STXBP3: variants seen among roughly 807,000 people sequenced by gnomAD.
The protein encoded by STXBP3 is syntaxin binding protein 3, also known as syntaxin-binding protein 3.
Under a neutral mutation model 85.7 loss-of-function variants are expected in STXBP3, and 41 were observed. The observed-to-expected ratio is 0.48, with a 90% CI of 0.37 to 0.62. The LOEUF is 0.62. Among genes scored for constraint, STXBP3 ranks in the 20% least tolerant of loss-of-function variants. STXBP3 has a pLI of 0.00. For missense variants in STXBP3, 563 were observed against 703.1 expected, an observed-to-expected ratio of 0.80 and a Z score of 2.25; for synonymous variants, 229 against 231.7, an observed-to-expected ratio of 0.99 and a Z score of 0.10.
chr1:108,808,742 T>A, intron 18 of STXBP3, 41 bp from the exon 19 acceptor site: 1 of 1,485,896 alleles, frequency 6.7e-7, no homozygotes, highest in Non-Finnish European at 9.4e-7. Context: ...GAAAATTGAT[T>A]TAACTGCTGG....
At chr1:108,784,857 G>C (rs1662792120) in intron 11 of STXBP3, among the ~76,000 whole-genome samples, 1 of 152,228 alleles carries the variant, frequency 6.6e-6, no homozygotes, top group African/African-American at 2.4e-5. Flanking sequence ...CAGGCCCCAT[G>C]CAGGTCCAAA....
At chr1:108,776,520 G>T in intron 8 of STXBP3, 97 bp downstream of exon 8, 1 of 853,044 alleles carries the variant, frequency 1.2e-6, no homozygotes, top group East Asian at 2.8e-5. Context: ...GTATTGATTT[G>T]GGAGTCATTA....
chr1:108,760,965 G>A (rs555677587), intron 6 of STXBP3, among the ~76,000 whole-genome samples: 4 of 152,012 alleles, frequency 2.6e-5, no homozygotes, highest in Non-Finnish European at 4.4e-5. Context: ...GTGCAATGGC[G>A]CAATCTTGGC....
intron 9 of STXBP3, chr1:108,781,962 T>C (rs1296615): frequency 0.71 from 108,668 of 152,520 alleles, 39,695 homozygotes; most frequent in Non-Finnish European, 0.77. Flanking sequence ...CCGCCCACCT[T>C]GGCCTCCGAA....
intron 1 of STXBP3, among the ~76,000 whole-genome samples, chr1:108,748,525 A>G (rs902739158): frequency 6.6e-6 from 1 of 152,038 alleles, no homozygotes; most frequent in African/African-American, 2.4e-5. Flanking sequence ...CTGAGTCTAA[A>G]TAAATAAATA....
intron 3 of STXBP3, among the ~76,000 whole-genome samples, chr1:108,756,460 AC>A (rs1662020074): frequency 6.6e-6 from 1 of 152,160 alleles, no homozygotes; most frequent in East Asian, 1.9e-4. Flanking sequence ...ATAATTTCTT[AC>A]ATTATTCATG....
chr1:108,798,646 C>T (rs1326771181), intron 16 of STXBP3, among the ~76,000 whole-genome samples: 3 of 152,062 alleles, frequency 2.0e-5, no homozygotes, highest in African/African-American at 7.2e-5. Context: ...GAACTCCTGA[C>T]CTCATGATCC....
Position 108,747,284 on chromosome 1 carries a change from A to C in STXBP3, c.49+498A>C, listed in dbSNP as rs1038842388. ...TAGTATCAACCCGTGCTTTTCAAAA[A>C]ACCTCACTGTTTAACAGACTCATCT... On this transcript the variant is annotated intron_variant, in intron 1 of 18. Transcript: ENST00000370008. 8.5e-5 allele frequency among the ~76,000 whole-genome samples: 13 copies of C among 152,312 alleles called. No homozygotes were observed. The East Asian group carries it at 2.1e-3, about 25-fold the overall frequency.
At chr1:108,797,588 A>G (rs922619153) in intron 15 of STXBP3, among the ~76,000 whole-genome samples, 3 of 151,628 alleles carry the variant, frequency 2.0e-5, no homozygotes, top group Non-Finnish European at 4.4e-5. Context: ...TTGTATTTTT[A>G]GTAGAGACAG....
chr1:108,793,797 A>G, intron 12 of STXBP3, 150 bp downstream of exon 12: 1 of 505,738 alleles, frequency 2.0e-6, no homozygotes, highest in Non-Finnish European at 3.4e-6. Context: ...GAGATATCCC[A>G]TATATCTAAG....
intron 3 of STXBP3, among the ~76,000 whole-genome samples, chr1:108,753,377 G>A (rs1223446315): frequency 1.3e-5 from 2 of 150,408 alleles, no homozygotes; most frequent in African/African-American, 2.4e-5. Flanking sequence ...TGTTGAGGTT[G>A]TTCTTTAAAT....
At chr1:108,750,294 G>A (rs559827227) in intron 1 of STXBP3, among the ~76,000 whole-genome samples, 41 of 152,180 alleles carry the variant, frequency 2.7e-4, no homozygotes, top group African/African-American at 8.7e-4. Context: ...GAGCTCTACC[G>A]GAGAAAATCC....
At chr1:108,760,139 G>C in intron 6 of STXBP3, 54 bp downstream of exon 6, 1 of 1,031,506 alleles carries the variant, frequency 9.7e-7, no homozygotes, top group Non-Finnish European at 1.4e-6. Context: ...TTGGTTTTAT[G>C]GCTTATTGTT....
At chr1:108,786,382 C>T (rs186004219) in intron 11 of STXBP3, among the ~76,000 whole-genome samples, 167 of 152,242 alleles carry the variant, frequency 1.1e-3, no homozygotes, top group African/African-American at 3.5e-3. Context: ...GCCCTTGACG[C>T]GTGGGGATTA....
intron 2 of STXBP3, 82 bp downstream of exon 2, chr1:108,752,388 A>G (rs1165651392): frequency 8.9e-5 from 118 of 1,319,656 alleles, no homozygotes; most frequent in Non-Finnish European, 1.2e-4. Context: ...TAGTATTTAC[A>G]TGGTATTAGG....
intron 17 of STXBP3, among the ~76,000 whole-genome samples, chr1:108,802,384 A>G (rs1223259182): frequency 6.6e-6 from 1 of 152,154 alleles, no homozygotes; most frequent in Non-Finnish European, 1.5e-5. Flanking sequence ...GTGACAGAGC[A>G]AGACTCCACC....
chr1:108,773,924 A>G (rs1177782472), intron 7 of STXBP3, among the ~76,000 whole-genome samples: 1 of 152,168 alleles, frequency 6.6e-6, no homozygotes, highest in Non-Finnish European at 1.5e-5. Context: ...ATTCATTCCA[A>G]AATGAACATA....
At chr1:108,763,601 G>T (rs558650441) in intron 6 of STXBP3, among the ~76,000 whole-genome samples, 1 of 152,198 alleles carries the variant, frequency 6.6e-6, no homozygotes, top group South Asian at 2.1e-4. Context: ...TTGAGACAGA[G>T]TTTCACTCTT....
At chr1:108,776,145 T>C (rs1249184098) in intron 7 of STXBP3, among the ~76,000 whole-genome samples, 188 bp from the exon 8 acceptor site, 1 of 152,166 alleles carries the variant, frequency 6.6e-6, no homozygotes, top group Non-Finnish European at 1.5e-5. Flanking sequence ...GGTTTTTCCT[T>C]GTAAATTCCA....
Sources: allele counts gnomAD v4.1 joint callset (sites outside exome capture counted in the v4.1 genomes callset), GRCh38; gene constraint gnomAD v4.1.1; transcripts MANE v1.5; gene names NCBI Gene and HGNC (gene_info 2026-07-23, HGNC 2026-07-21).